The following ADAMTS13 variants were observed in gnomAD, a reference collection of about 807,000 sequenced individuals.
ADAMTS13 encodes the protein ADAM metallopeptidase with thrombospondin type 1 motif 13.
ADAMTS13 carries 110 observed loss-of-function variants against 155.1 expected under a neutral mutation model. That is an observed-to-expected ratio of 0.71 (90% CI 0.61 to 0.83). The LOEUF (loss-of-function observed/expected upper bound fraction) is 0.83, where lower values mean the gene tolerates loss of function less well. Among genes scored for constraint, ADAMTS13 ranks in the 40% least tolerant of loss-of-function variants. The pLI is 0.00. For missense variants in ADAMTS13, 1,707 were observed against 1,891.7 expected, an observed-to-expected ratio of 0.90 and a Z score of 1.81; for synonymous variants, 758 against 756.4, an observed-to-expected ratio of 1.00 and a Z score of -0.03.
At chr9:133,431,161 C>A (rs1443204741) in intron 8 of ADAMTS13, among the ~76,000 whole-genome samples, 1 of 151,214 alleles carries the variant, frequency 6.6e-6, no homozygotes, top group Admixed American at 6.6e-5. Context: ...GATGGGGTCT[C>A]CCTTTGTTAC....
chr9:133,414,462 C>G, exon 1 of ADAMTS13: 1 of 703,356 alleles, frequency 1.4e-6, no homozygotes, highest in Non-Finnish European at 2.6e-6. Context: ...CTGAGCTCTG[C>G]TCAACGCTCG....
Position 133,454,566 on chromosome 9 carries a change from C to G in ADAMTS13, c.3196C>G (p.Pro1066Ala), listed in dbSNP as rs782025111. ...AALVRPEASV[P>A]CLIADCTYRW... ...GCTGGTGCGGCCCGAGGCCAGTGTC[C>G]CCTGTCTCATTGCCGACTGCACCTA... The change falls in exon 24 of 29, where the codon CCC becomes GCC. Residue 1066 changes from proline (P) to alanine (A), a missense_variant. Pro to Ala is a conservative substitution (Grantham distance 27). Transcript: ENST00000355699. 1 of 1,607,712 alleles carries G rather than the reference C, an allele frequency of 6.2e-7. No individual in the cohort carries two copies.
Position 133,424,192 on chromosome 9 carries a change from G to A in ADAMTS13, c.173-129G>A. Reference sequence around the variant, plus strand: ...TCACTAATGGGGTCTGGCTCTTGGGGTGGGGGTGACACGCAATGTCTTGAC... The same window carrying A: ...TCACTAATGGGGTCTGGCTCTTGGGATGGGGGTGACACGCAATGTCTTGAC... On this transcript the variant is annotated intron_variant, in intron 2 of 28. Coordinates refer to ENST00000355699, the MANE Select transcript of ADAMTS13 (RefSeq NM_139027.6). This position sits in a 1 kb window ranked among gnomAD's most constrained non-coding sequence, Gnocchi z 4.3. The A allele has an allele frequency of 4.2e-6, 6 of 1,441,526 alleles. No homozygotes were observed. Among genetic ancestry groups the A allele is most frequent in the Non-Finnish European group, 5.8e-6 (6 of 1,040,712 alleles). 89.3% of individuals were successfully genotyped at this position (1,441,526 alleles called of 1,614,324 possible).
rs953046843 is a variant in ADAMTS13 at position 133,425,701 on chromosome 9, T to C, written c.414+89T>C. On this transcript the variant is annotated intron_variant, in intron 4 of 28. Transcript: ENST00000355699. This position sits in a 1 kb window ranked among gnomAD's most constrained non-coding sequence, Gnocchi z 4.6. ...ATCCTCTTTAACCTCTTGTCCCGGA[T>C]GCCCCAAGCAGCATGGATCACAGAA... The C allele has an allele frequency of 3.7e-5, 55 of 1,476,292 alleles. No homozygotes were observed. The highest frequency in any genetic ancestry group is 4.3e-5 in the Non-Finnish European group (46 of 1,077,764). 91.4% of individuals were successfully genotyped at this position (1,476,292 alleles called of 1,614,324 possible). A position where few individuals can be genotyped will look rare whatever the true frequency, so the allele number is the denominator to read the frequency against.
In ADAMTS13 at chr9:133,428,691, G is replaced by T; in HGVS notation, c.744G>T (p.Val248=). The T allele has an allele frequency of 7.3e-7, 1 of 1,367,006 alleles. No individual in the cohort carries two copies. The highest frequency in any genetic ancestry group is 1.7e-5 in the South Asian group (1 of 60,570). 84.7% of individuals were successfully genotyped at this position (1,367,006 alleles called of 1,614,324 possible). Residue 248 remains valine (V), a synonymous_variant, in exon 7 of 29, where the codon GTG becomes GTT. Transcript: ENST00000355699. ...PGSGCGPSGH[V]MASDGAAPRA... ...GCGGCTGCGGCCCCAGCGGACACGT[G>T]ATGGCTTCGGACGGCGCCGCGCCCC...
Position 133,442,616 on chromosome 9 carries a change from C to T in ADAMTS13, c.2107C>T (p.Leu703=), listed in dbSNP as rs146314458. The T allele has an allele frequency of 2.2e-5, 36 of 1,613,168 alleles. No individual in the cohort carries two copies. The African/African-American group carries it at 4.4e-4, about 20-fold the overall frequency. The change falls in exon 18 of 29, where the codon CTG becomes TTG. Residue 703 remains leucine, a splice_region_variant and synonymous_variant. Coordinates refer to ENST00000355699, the MANE Select transcript of ADAMTS13 (RefSeq NM_139027.6). ...TAGCCCTCCCTCTTCCCTCCCAGGG[C>T]TGCGCTGGGTAAACTACAGCTGCCT... is the stretch of plus-strand genomic sequence containing the variant. The part of the protein sequence containing the change: ...GPCSVSCGAG[L]RWVNYSCLDQ...
Position 133,426,210 on chromosome 9 carries a change from A to T in ADAMTS13, c.551A>T (p.Glu184Val). 1.2e-6 allele frequency: 2 copies of T among 1,613,936 alleles called. No homozygotes were observed. Among genetic ancestry groups the T allele is most frequent in the Non-Finnish European group, 1.7e-6 (2 of 1,180,000 alleles). Residue 184 changes from glutamate (E) to valine (V), a missense_variant, in exon 6 of 29, where the codon GAG becomes GTG. Around this residue, in one of 3 missense-constraint regions of ADAMTS13, gnomAD observed 733 missense variants for 749.6 expected, o/e 0.98. Transcript: ENST00000355699. ...TTTCTCTCACCGAGGTTTGACCTGG[A>T]GTTGCCTGATGGTAACCGGCAGGTG... is the stretch of plus-strand genomic sequence containing the variant. ...LVLYITRFDLELPDGNRQVRG... is the reference protein window; with the variant it reads ...LVLYITRFDLVLPDGNRQVRG...
At chr9:133,449,490 A>G (rs1215020099) in intron 22 of ADAMTS13, among the ~76,000 whole-genome samples, 1 of 152,060 alleles carries the variant, frequency 6.6e-6, no homozygotes, top group Non-Finnish European at 1.5e-5. Flanking sequence ...ACTGTTGAAG[A>G]CAGACATGCA....
In ADAMTS13 at chr9:133,437,792, C is replaced by T. The variant is rs376102311; in HGVS notation, c.1479C>T (p.Ser493=). ...ACATGTGCCGGGCCATTGGCGAGAG[C>T]TTCATCATGAAGCGTGGAGACAGCT... is the stretch of plus-strand genomic sequence containing the variant. ...CRHMCRAIGE[S]FIMKRGDSFL... is the part of the protein sequence containing the mutation. Residue 493 remains serine, a synonymous_variant, in exon 13 of 29, where the codon AGC becomes AGT. Coordinates refer to ENST00000355699, the MANE Select transcript of ADAMTS13 (RefSeq NM_139027.6). The T allele has an allele frequency of 5.4e-5, 87 of 1,613,854 alleles. No individual in the cohort carries two copies. Among genetic ancestry groups the T allele is most frequent in the Non-Finnish European group, 6.7e-5 (79 of 1,180,046 alleles).
upstream of ADAMTS13, among the ~76,000 whole-genome samples, chr9:133,420,502 C>T (rs963023385): frequency 6.6e-6 from 1 of 152,232 alleles, no homozygotes; most frequent in Admixed American, 6.5e-5. Context: ...TGCCCAGGTT[C>T]CCACTTTGGT....
In ADAMTS13 at chr9:133,425,863, G is replaced by A; in HGVS notation, c.415-75G>A. 6.3e-7 allele frequency: 1 copy of A among 1,597,892 alleles called. No homozygotes were observed. The highest frequency in any genetic ancestry group is 8.5e-7 in the Non-Finnish European group (1 of 1,175,258). On this transcript the variant is annotated intron_variant, in intron 4 of 28. Coordinates refer to ENST00000355699, the MANE Select transcript of ADAMTS13 (RefSeq NM_139027.6). This position sits in a 1 kb window ranked among gnomAD's most constrained non-coding sequence, Gnocchi z 4.6. ...ATAGGGTTGTTAGGAGGACTAACTGGGAAACAAACCGACCGCAGTCAGCAC... is the reference window on the plus strand; with the variant it reads ...ATAGGGTTGTTAGGAGGACTAACTGAGAAACAAACCGACCGCAGTCAGCAC...
Position 133,448,703 on chromosome 9 carries a change from T to C in ADAMTS13, c.2836T>C (p.Cys946Arg). Residue 946 changes from cysteine to arginine, a missense_variant, in exon 22 of 29, where the codon TGC (cysteine) becomes CGC (arginine). Coordinates refer to ENST00000355699, the MANE Select transcript of ADAMTS13 (RefSeq NM_139027.6). ...CAAGCCTGGGAGCCGGCGGGAGGTC[T>C]GCCAGGCTGTCCCGTGCCCTGCTCG... ...ASKPGSRREVCQAVPCPARWQ... is the reference protein window; with the variant it reads ...ASKPGSRREVRQAVPCPARWQ... The C allele has an allele frequency of 1.9e-6, 3 of 1,603,352 alleles. No homozygotes were observed. Among genetic ancestry groups the C allele is most frequent in the Non-Finnish European group, 2.5e-6 (3 of 1,179,902 alleles).
At chr9:133,439,016 T>A (rs3124769) in intron 14 of ADAMTS13, among the ~76,000 whole-genome samples, 82,916 of 151,700 alleles carry the variant, frequency 0.55, 23,327 homozygotes, top group African/African-American at 0.58. Flanking sequence ...AATGAGAGGG[T>A]TGGTAGTTAC....
rs1841953821 is a variant in ADAMTS13 at position 133,444,946 on chromosome 9, C to T, written c.2504C>T (p.Ala835Val). 4 of 1,613,372 alleles carry T rather than the reference C, an allele frequency of 2.5e-6. No individual in the cohort carries two copies. Among genetic ancestry groups the T allele is most frequent in the Admixed American group, 1.7e-5 (1 of 60,002 alleles). Residue 835 changes from alanine (A) to valine (V), a missense_variant, in exon 20 of 29, where the codon GCA becomes GTA. Ala to Val is a moderately conservative substitution (Grantham distance 64, BLOSUM62 0). This residue lies in a region of ADAMTS13 where 961 missense variants were observed against 1,107.9 expected (regional missense o/e 0.87). Transcript: ENST00000355699. ...GAGAACGAGACCTGTGTGCCAGGGG[C>T]AGATGGCCTGGAGGCTCCAGTGACT... ...ALENETCVPG[A>V]DGLEAPVTEG...
intron 22 of ADAMTS13, 37 bp downstream of exon 22, chr9:133,448,765 C>T: frequency 6.3e-7 from 1 of 1,592,944 alleles, no homozygotes; most frequent in East Asian, 2.2e-5. Context: ...CTGGCCTTCT[C>T]CCTGTAAGTG....
intron 6 of ADAMTS13, 131 bp downstream of exon 6, chr9:133,426,476 C>G (rs1840290039): frequency 8.0e-7 from 1 of 1,249,634 alleles, no homozygotes; most frequent in Non-Finnish European, 1.1e-6. Flanking sequence ...CTCACCCCGA[C>G]AGACTCAGGT....
In ADAMTS13 at chr9:133,440,448, G is replaced by T. The variant is rs1409828890; in HGVS notation, c.1891G>T (p.Ala631Ser). The change falls in exon 16 of 29, where the codon GCC becomes TCC. Residue 631 changes from alanine (A) to serine (S), a missense_variant. Ala to Ser is a moderately conservative substitution (Grantham distance 99). This residue lies in a region of ADAMTS13 where 961 missense variants were observed against 1,107.9 expected (regional missense o/e 0.87). Transcript: ENST00000355699. This position sits in a 1 kb window ranked among gnomAD's most constrained non-coding sequence, Gnocchi z 4.3. ...LEDGRVEYRVALTEDRLPRLE... is the reference protein window; with the variant it reads ...LEDGRVEYRVSLTEDRLPRLE... ...GGATGGTCGTGTCGAGTACAGAGTG[G>T]CCCTCACCGAGGACCGGCTGCCCCG... 1.1e-5 allele frequency: 18 copies of T among 1,613,626 alleles called. No individual in the cohort carries two copies. Among genetic ancestry groups the T allele is most frequent in the Non-Finnish European group, 1.5e-5 (18 of 1,179,998 alleles).
At position 133,459,343 on chromosome 9, in the gene ADAMTS13, GCCC is replaced by G. The variant is rs909407795; in HGVS notation, c.*166_*168del. 2 of 772,106 alleles carry G rather than the reference GCCC, an allele frequency of 2.6e-6. No individual in the cohort carries two copies. The highest frequency in any genetic ancestry group is 3.4e-5 in the African/African-American group (2 of 58,518). 47.8% of individuals were successfully genotyped at this position (772,106 alleles called of 1,614,324 possible). The stretch of plus-strand genomic sequence containing the variant: ...TGGAGGTGGGGACTCTGGAAAAGCA[GCCC>G]CCATTTCCTCGGGTACCAATAAATA... On this transcript the variant is annotated 3_prime_UTR_variant, in exon 29 of 29. Transcript: ENST00000355699.
Position 133,424,470 on chromosome 9 carries a change from C to T in ADAMTS13, c.322C>T (p.Leu108Phe). 1.2e-6 allele frequency: 2 copies of T among 1,613,536 alleles called. No individual in the cohort carries two copies. Among genetic ancestry groups the T allele is most frequent in the Non-Finnish European group, 1.7e-6 (2 of 1,179,770 alleles). Reference protein sequence around the residue: ...EDTERYVLTNLNIGAELLRDP... With the variant: ...EDTERYVLTNFNIGAELLRDP... ...CACAGAGCGCTATGTGCTCACCAAC[C>T]TCAACATCGTGAGTGCCCCACGCTG... The change falls in exon 3 of 29, where the codon CTC (leucine) becomes TTC (phenylalanine). Residue 108 changes from leucine to phenylalanine, a missense_variant. Coordinates refer to ENST00000355699, the MANE Select transcript of ADAMTS13 (RefSeq NM_139027.6). This position sits in a 1 kb window ranked among gnomAD's most constrained non-coding sequence, Gnocchi z 4.3.
Sources: allele counts gnomAD v4.1 joint callset (sites outside exome capture counted in the v4.1 genomes callset), GRCh38; gene constraint gnomAD v4.1.1; regional missense constraint gnomAD v4.1.1; non-coding constraint Gnocchi (gnomAD v3.1); transcripts MANE v1.5; gene names NCBI Gene and HGNC (gene_info 2026-07-23, HGNC 2026-07-21).